SNX32: variants seen among roughly 807,000 people sequenced by gnomAD.
The protein encoded by SNX32 is sorting nexin 32, also known as sorting nexin-32.
Under a neutral mutation model 57.0 loss-of-function variants are expected in SNX32, and 58 were observed. The observed-to-expected ratio is 1.02, with a 90% confidence interval of 0.82 to 1.27. SNX32 has a LOEUF of 1.27. Among genes scored for constraint, SNX32 ranks in the 50% most tolerant of loss-of-function variants. The pLI, the probability that SNX32 is intolerant of heterozygous loss-of-function variation, is 0.00. For missense variants in SNX32, 589 were observed against 541.2 expected (o/e 1.09, Z -0.88); for synonymous variants, 262 against 220.4 (o/e 1.19, Z -1.67).
intron 10 of SNX32, 34 bp from the exon 11 acceptor site, chr11:65,852,596 C>A (rs1019185846): frequency 3.7e-6 from 6 of 1,613,656 alleles, no homozygotes; most frequent in South Asian, 2.2e-5. Context: ...GATGCCAGGA[C>A]AGGGCAGCAG....
intron 1 of SNX32, among the ~76,000 whole-genome samples, chr11:65,845,763 C>A (rs1858975841): frequency 6.6e-6 from 1 of 152,114 alleles, no homozygotes; most frequent in South Asian, 2.1e-4. Flanking sequence ...AAAAACTGTT[C>A]ATGGCAGCTT....
chr11:65,852,912 GAAAGA>G lies in SNX32; in HGVS notation c.1114_1118del (p.Lys372SerfsTer3), dbSNP rs1565256363. 6.2e-7 allele frequency: 1 copy of G among 1,614,128 alleles called. No individual in the cohort carries two copies. The highest frequency in any genetic ancestry group is 1.1e-5 in the South Asian group (1 of 91,078). Reference sequence around the variant, plus strand: ...AAGTCCCGCCGGGTCTCCTCTTTTCGAAAGAATCTCATTGAGCTGGCAGAGCTGGA... The same window carrying G: ...AAGTCCCGCCGGGTCTCCTCTTTTCGATCTCATTGAGCTGGCAGAGCTGGA... On this transcript the variant is annotated frameshift_variant, in exon 12 of 13. Transcript: ENST00000308342. LOFTEE classifies it high-confidence loss of function.
chr11:65,850,738 CTG>C lies in SNX32; in HGVS notation c.499-8_499-7del. 2 of 1,612,812 alleles carry C rather than the reference CTG, an allele frequency of 1.2e-6. No individual in the cohort carries two copies. Among genetic ancestry groups the C allele is most frequent in the Non-Finnish European group, 1.7e-6 (2 of 1,179,016 alleles). On this transcript the variant is annotated splice_polypyrimidine_tract_variant and intron_variant, in intron 5 of 12. Transcript: ENST00000308342. ...CGCCCACCCCAGCATCATACCCTCC[CTG>C]TGTGCCTCAGCTGAGTGTCCGGGGG...
chr11:65,845,239 A>C (rs1231294848), intron 1 of SNX32, among the ~76,000 whole-genome samples: 2 of 151,544 alleles, frequency 1.3e-5, no homozygotes, highest in African/African-American at 4.9e-5. Flanking sequence ...GGAGATCGAG[A>C]CCATCCTGGC....
chr11:65,851,486 C>T, intron 8 of SNX32, 83 bp downstream of exon 8: 1 of 1,541,406 alleles, frequency 6.5e-7, no homozygotes, highest in East Asian at 2.3e-5. Flanking sequence ...TAGATGTCTA[C>T]TGTCAGCTCT....
chr11:65,850,761 G>A lies in SNX32; in HGVS notation c.509G>A (p.Arg170Gln), dbSNP rs150683093. Residue 170 changes from arginine to glutamine, a missense_variant, in exon 6 of 13, where the codon CGG becomes CAG. Coordinates refer to ENST00000308342, the MANE Select transcript of SNX32 (RefSeq NM_152760.3). ...CCCTGTGTGCCTCAGCTGAGTGTCC[G>A]GGGGAAGAACAGGAAGGAGCTCCTC... ...FLEYGQDLSV[R>Q]GKNRKELLGG... 2.0e-5 allele frequency: 32 copies of A among 1,613,776 alleles called. No homozygotes were observed. The highest frequency in any genetic ancestry group is 3.3e-4 in the Middle Eastern group (2 of 6,078).
chr11:65,842,310 T>A (rs901295181), intron 1 of SNX32, among the ~76,000 whole-genome samples: 2 of 152,192 alleles, frequency 1.3e-5, no homozygotes, highest in African/African-American at 4.8e-5. Flanking sequence ...GCTGGCCACA[T>A]GGCACAATGA....
chr11:65,853,360 T>G lies in SNX32; in HGVS notation c.*25T>G. The stretch of plus-strand genomic sequence containing the variant: ...GAGTAGCCAGAGCTCAGCCAGACCC[T>G]AATCTGGGATCTCCAGTGACCAGGG... On this transcript the variant is annotated 3_prime_UTR_variant, in exon 13 of 13. Transcript: ENST00000308342. 2.5e-6 allele frequency: 4 copies of G among 1,610,796 alleles called. No homozygotes were observed. The highest frequency in any genetic ancestry group is 2.5e-6 in the Non-Finnish European group (3 of 1,177,142).
At chr11:65,845,073 G>A (rs1221917025) in intron 1 of SNX32, among the ~76,000 whole-genome samples, 1 of 86,776 alleles carries the variant, frequency 1.2e-5, no homozygotes, top group Non-Finnish European at 2.4e-5. Flanking sequence ...TGAAGTGGAA[G>A]GATGGCTTGA....
Position 65,851,054 on chromosome 11 carries a change from G to T in SNX32, c.604-1G>T. On this transcript the variant is annotated splice_acceptor_variant, in intron 6 of 12. Coordinates refer to ENST00000308342, the MANE Select transcript of SNX32 (RefSeq NM_152760.3). LOFTEE classifies it high-confidence loss of function. ...AATGGGGTCCTGCCTGGCTCCCTTAGGAGGTGGATGACTTCTTTGAGCATG... is the reference window on the plus strand; with the variant it reads ...AATGGGGTCCTGCCTGGCTCCCTTATGAGGTGGATGACTTCTTTGAGCATG... The T allele has an allele frequency of 6.2e-7, 1 of 1,613,296 alleles. No individual in the cohort carries two copies. Among genetic ancestry groups the T allele is most frequent in the East Asian group, 2.2e-5 (1 of 44,872 alleles).
Position 65,853,473 on chromosome 11 carries a change from G to GA in SNX32, c.*141dup. The GA allele has an allele frequency of 1.1e-6, 1 of 875,430 alleles. No individual in the cohort carries two copies. The highest frequency in any genetic ancestry group is 1.7e-5 in the African/African-American group (1 of 60,454). The allele number at this position is 875,430 out of a possible 1,614,324, so 54.2% of individuals were successfully genotyped here. On this transcript the variant is annotated 3_prime_UTR_variant, in exon 13 of 13. Transcript: ENST00000308342. Reference sequence around the variant, plus strand: ...TCACTCTGCCCCACATCCTCTCAGGGAAAGCCCAAACCCCCTATCACCACC... The same window carrying GA: ...TCACTCTGCCCCACATCCTCTCAGGGAAAAGCCCAAACCCCCTATCACCACC...
rs180706321 is a variant in SNX32 at position 65,846,131 on chromosome 11, C to T, written c.37-3347C>T. Among the ~76,000 whole-genome samples the T allele has an allele frequency of 5.6e-3, 847 of 152,018 alleles. 11 individuals carry two copies. The highest frequency in any genetic ancestry group is 0.017 in the African/African-American group (720 of 41,450). On this transcript the variant is annotated intron_variant, in intron 1 of 12. Coordinates refer to ENST00000308342, the MANE Select transcript of SNX32 (RefSeq NM_152760.3). ...TGCTAAAATACAAAAATTAGCTGGA[C>T]GTGGTGGTGGGCGTCTGTAATCCCA...
Position 65,853,283 on chromosome 11 carries a change from C to G in SNX32, c.1160C>G (p.Ala387Gly), listed in dbSNP as rs764294995. ...CAAGGACCTGTTTCTCCTCTGCAGGCCAGCACCCTGATTCTCCGGAACACC... is the reference window on the plus strand; with the variant it reads ...CAAGGACCTGTTTCTCCTCTGCAGGGCAGCACCCTGATTCTCCGGAACACC... Reference protein sequence around the residue: ...LAELELKHAKASTLILRNTLV... With the variant: ...LAELELKHAKGSTLILRNTLV... Residue 387 changes from alanine (A) to glycine (G), a missense_variant and splice_region_variant, in exon 13 of 13, where the codon GCC becomes GGC. Coordinates refer to ENST00000308342, the MANE Select transcript of SNX32 (RefSeq NM_152760.3). 1 of 1,614,080 alleles carries G rather than the reference C, an allele frequency of 6.2e-7. No individual in the cohort carries two copies. The highest frequency in any genetic ancestry group is 2.2e-5 in the East Asian group (1 of 44,876).
intron 1 of SNX32, among the ~76,000 whole-genome samples, chr11:65,836,227 T>A (rs1176843289): frequency 6.6e-6 from 1 of 151,988 alleles, no homozygotes; most frequent in African/African-American, 2.4e-5. Context: ...AGCAAAAATA[T>A]AATAGAGGAG....
chr11:65,853,552 C>G lies in SNX32; in HGVS notation c.*217C>G. On this transcript the variant is annotated 3_prime_UTR_variant, in exon 13 of 13. Coordinates refer to ENST00000308342, the MANE Select transcript of SNX32 (RefSeq NM_152760.3). ...AGGGCAGCATGGGCATCATAACTGGCCACAGTCAGCAGAGCCCCAGGGACC... is the reference window on the plus strand; with the variant it reads ...AGGGCAGCATGGGCATCATAACTGGGCACAGTCAGCAGAGCCCCAGGGACC... 3 of 594,580 alleles carry G rather than the reference C, an allele frequency of 5.0e-6. No individual in the cohort carries two copies. The Admixed American group carries it at 8.8e-5, about 18-fold the overall frequency. The allele number at this position is 594,580 out of a possible 1,614,324, so 36.8% of individuals were successfully genotyped here.
At chr11:65,839,334 A>G (rs1404613321) in intron 1 of SNX32, among the ~76,000 whole-genome samples, 2 of 133,400 alleles carry the variant, frequency 1.5e-5, no homozygotes, top group African/African-American at 2.9e-5. Context: ...GGTTCACGCC[A>G]TTCTCCCGCC....
intron 1 of SNX32, chr11:65,835,399 T>C (rs1194231193): frequency 1.3e-5 from 2 of 152,174 alleles, no homozygotes; most frequent in Non-Finnish European, 2.9e-5. Context: ...GCTGGCATCC[T>C]CTTCTCCTTT....
At chr11:65,836,490 GC>G (rs1858671866) in intron 1 of SNX32, among the ~76,000 whole-genome samples, 1 of 152,164 alleles carries the variant, frequency 6.6e-6, no homozygotes, top group Non-Finnish European at 1.5e-5. Context: ...GTTGCAGTGA[GC>G]CAAGATCGCA....
At chr11:65,847,779 G>A (rs190260061) in intron 1 of SNX32, among the ~76,000 whole-genome samples, 25 of 152,178 alleles carry the variant, frequency 1.6e-4, no homozygotes, top group African/African-American at 5.3e-4. Context: ...GAGTGGTGGC[G>A]TGTGCCTGTA....
Sources: allele counts gnomAD v4.1 joint callset (sites outside exome capture counted in the v4.1 genomes callset), GRCh38; gene constraint gnomAD v4.1.1; transcripts MANE v1.5; gene names NCBI Gene and HGNC (gene_info 2026-07-23, HGNC 2026-07-21).